Variants in RAVER2 observed in about 807,000 individuals in gnomAD.
The protein encoded by RAVER2 is ribonucleoprotein PTB-binding 2.
A neutral mutation model predicts 78.1 loss-of-function variants in RAVER2; 46 were observed. The ratio of observed to expected loss-of-function variants is 0.59; its 90% CI spans 0.46 to 0.75. The LOEUF is 0.75. Ranked by LOEUF, RAVER2 falls within the 30% of genes least tolerant of loss-of-function variation. The pLI is 0.00. For missense variants in RAVER2, 793 were observed against 837.5 expected (o/e 0.95, Z 0.66); for synonymous variants, 311 against 313.3 (o/e 0.99, Z 0.08).
At chr1:64,789,335 G>A (rs2500232) in intron 4 of RAVER2, 53 bp from the exon 5 acceptor site, 519,382 of 1,411,740 alleles carry the variant, frequency 0.37, 104,488 homozygotes, top group African/African-American at 0.78. Flanking sequence ...CTTTGAAATT[G>A]TGTCTTTGTA....
Position 64,804,907 on chromosome 1 carries a change from G to A in RAVER2, c.1296+69G>A, listed in dbSNP as rs1653370112. 3 of 1,514,568 alleles carry A rather than the reference G, an allele frequency of 2.0e-6. No homozygotes were observed. In the Admixed American group the frequency reaches 5.3e-5, roughly 27 times the overall value. 93.8% of individuals were successfully genotyped at this position (1,514,568 alleles called of 1,614,324 possible). The stretch of plus-strand genomic sequence containing the variant: ...TTTCTAGAATCAGGCTGTGGATCAG[G>A]TTGTTTATGAATTTTCACGTGTGTA... On this transcript the variant is annotated intron_variant, in intron 7 of 11. Coordinates refer to ENST00000294428, the Ensembl canonical transcript of RAVER2.
chr1:64,803,831 C>G (rs12409304), intron 6 of RAVER2, among the ~76,000 whole-genome samples: 7,624 of 152,074 alleles, frequency 0.05, 306 homozygotes, highest in Admixed American at 0.14. Flanking sequence ...CATTTAAAGT[C>G]TATGTTATTA....
At chr1:64,796,469 T>C (rs951737026) in intron 5 of RAVER2, among the ~76,000 whole-genome samples, 3 of 152,102 alleles carry the variant, frequency 2.0e-5, no homozygotes, top group African/African-American at 4.8e-5. Context: ...TATTTCAGGA[T>C]CTTGTTCTTC....
At position 64,745,573 on chromosome 1, in the gene RAVER2, G is replaced by A; in HGVS notation, c.249+152G>A. On this transcript the variant is annotated intron_variant, in intron 1 of 11. Transcript: ENST00000294428. The surrounding 1 kb of genome is among the most constrained non-coding windows in gnomAD (Gnocchi z 4.3). ...GCCCCTCGGTTTGACTGAGTTCTTG[G>A]GGTTTCTAGCCTGCAGACGCCCTGC... 1.8e-6 allele frequency: 2 copies of A among 1,116,614 alleles called. No homozygotes were observed. Among genetic ancestry groups the A allele is most frequent in the South Asian group, 1.9e-5 (1 of 52,068 alleles). 69.2% of individuals were successfully genotyped at this position (1,116,614 alleles called of 1,614,324 possible).
At chr1:64,829,260 T>G (rs1460429349) in intron 11 of RAVER2, among the ~76,000 whole-genome samples, 1 of 152,068 alleles carries the variant, frequency 6.6e-6, no homozygotes, top group East Asian at 1.9e-4. Flanking sequence ...TTGGGGAAGG[T>G]GGGTGAGAAG....
intron 5 of RAVER2, among the ~76,000 whole-genome samples, chr1:64,793,310 C>A (rs1320598161): frequency 1.3e-5 from 2 of 152,162 alleles, no homozygotes; most frequent in Admixed American, 1.3e-4. Context: ...TGTTTATTGT[C>A]TATTTCTACC....
At chr1:64,760,879 T>C (rs904659758) in intron 1 of RAVER2, among the ~76,000 whole-genome samples, 1 of 152,188 alleles carries the variant, frequency 6.6e-6, no homozygotes, top group Non-Finnish European at 1.5e-5. Flanking sequence ...TTTGTTTTTG[T>C]AATGGCAATT....
chr1:64,770,920 A>G (rs946701024), intron 2 of RAVER2, among the ~76,000 whole-genome samples: 1 of 151,984 alleles, frequency 6.6e-6, no homozygotes, highest in Non-Finnish European at 1.5e-5. Flanking sequence ...GTAAAACATG[A>G]ACAGAGTATC....
rs573820080 is a variant in RAVER2 at position 64,809,906 on chromosome 1, G to A, written c.1680+2432G>A. 4.6e-5 allele frequency among the ~76,000 whole-genome samples: 7 copies of A among 152,272 alleles called. No homozygotes were observed. In the South Asian group the frequency reaches 1.5e-3, roughly 32 times the overall value. On this transcript the variant is annotated intron_variant, in intron 9 of 11. Transcript: ENST00000294428. ...CATAATGTTTTCTAGATTCATCCAT[G>A]TTGTAGCATGTATCCAAATTTCCTT...
rs1021241429 is a variant in RAVER2, at chr1:64,745,379, G to A, written c.207G>A (p.Arg69=). Residue 69 remains arginine (R), a synonymous_variant, in exon 1 of 12, where the codon AGG becomes AGA. Transcript: ENST00000294428. This position sits in a 1 kb window ranked among gnomAD's most constrained non-coding sequence, Gnocchi z 4.3. The stretch of plus-strand genomic sequence containing the variant: ...TGCAGCGGGAGCTGAGCAACCGCAG[G>A]AAAATCCTGGTGAAAAACCTGCCCC... 3 of 1,543,322 alleles carry A rather than the reference G, an allele frequency of 1.9e-6. No individual in the cohort carries two copies. The highest frequency in any genetic ancestry group is 2.8e-5 in the African/African-American group (2 of 72,634).
At chr1:64,818,607 T>G (rs944269373) in intron 11 of RAVER2, among the ~76,000 whole-genome samples, 4 of 152,140 alleles carry the variant, frequency 2.6e-5, no homozygotes, top group African/African-American at 7.2e-5. Flanking sequence ...AGAGAATGAA[T>G]GACCAAAAGC....
intron 9 of RAVER2, 45 bp downstream of exon 9, chr1:64,807,519 T>A (rs1422069662): frequency 6.5e-7 from 1 of 1,542,994 alleles, no homozygotes; most frequent in South Asian, 1.2e-5. Context: ...TACATGTATA[T>A]GTATATATAT....
chr1:64,754,831 G>A (rs1298923063), intron 1 of RAVER2, among the ~76,000 whole-genome samples: 1 of 152,192 alleles, frequency 6.6e-6, no homozygotes, highest in African/African-American at 2.4e-5. Flanking sequence ...CAAAGCTGTT[G>A]CTTCAGTAGA....
chr1:64,786,406 A>T (rs1385214055), intron 4 of RAVER2, among the ~76,000 whole-genome samples: 1 of 152,238 alleles, frequency 6.6e-6, no homozygotes, highest in East Asian at 1.9e-4. Flanking sequence ...TTCTAATATT[A>T]CAAGTGTTGA....
At chr1:64,800,834 T>A (rs1175572066) in intron 5 of RAVER2, among the ~76,000 whole-genome samples, 2 of 152,126 alleles carry the variant, frequency 1.3e-5, no homozygotes, top group Non-Finnish European at 2.9e-5. Flanking sequence ...AATTAAATAG[T>A]TTCCTGTGAT....
chr1:64,748,444 G>A (rs182991822), intron 1 of RAVER2, among the ~76,000 whole-genome samples: 19 of 152,166 alleles, frequency 1.2e-4, no homozygotes, highest in African/African-American at 4.3e-4. Context: ...TCACTCTCCT[G>A]CTCATAAAAA....
chr1:64,768,379 G>A (rs1227343129), intron 1 of RAVER2, among the ~76,000 whole-genome samples: 1 of 151,940 alleles, frequency 6.6e-6, no homozygotes, highest in African/African-American at 2.4e-5. Flanking sequence ...CTCCTGCTAC[G>A]TCAAGGAATA....
At chr1:64,770,227 A>T (rs2478157) in intron 2 of RAVER2, among the ~76,000 whole-genome samples, 1,663 of 152,134 alleles carry the variant, frequency 0.011, 35 homozygotes, top group African/African-American at 0.038. Flanking sequence ...TGTTACAGAT[A>T]TTGACAACGG....
chr1:64,759,442 A>G (rs1016532352), intron 1 of RAVER2, among the ~76,000 whole-genome samples: 1 of 150,444 alleles, frequency 6.6e-6, no homozygotes, highest in Non-Finnish European at 1.5e-5. Context: ...AATGGTTTCG[A>G]TCTCCTGCCC....
Sources: gnomAD v4.1 joint callset for allele counts (sites outside exome capture counted in the v4.1 genomes callset) on GRCh38, gnomAD v4.1.1 for gene constraint, Gnocchi (gnomAD v3.1) non-coding constraint, MANE v1.5 for transcripts, NCBI Gene and HGNC (gene_info 2026-07-23, HGNC 2026-07-21) for gene names.